ACACB: variants seen among roughly 807,000 people sequenced by gnomAD.
The protein encoded by ACACB is acetyl-CoA carboxylase 2.
ACACB carries 209 observed loss-of-function variants against 278.8 expected under a neutral mutation model. The ratio of observed to expected loss-of-function variants is 0.75; its 90% CI spans 0.67 to 0.84. The LOEUF (loss-of-function observed/expected upper bound fraction) is 0.84, where lower values mean the gene tolerates loss of function less well. ACACB is among the 40% of genes least tolerant of loss of function. The pLI, the probability that ACACB is intolerant of heterozygous loss-of-function variation, is 0.00. For missense variants in ACACB, 2,850 were observed against 3,269.0 expected, an observed-to-expected ratio of 0.87 and a Z score of 3.13; for synonymous variants, 1,174 against 1,285.6, an observed-to-expected ratio of 0.91 and a Z score of 1.86.
chr12:109,261,045 C>T (rs1003553837), intron 48 of ACACB, among the ~76,000 whole-genome samples: 1 of 152,206 alleles, frequency 6.6e-6, no homozygotes, highest in African/African-American at 2.4e-5. Flanking sequence ...TGAATGAATA[C>T]TTGCATGAGA....
chr12:109,226,242 G>A (rs2046308528), intron 27 of ACACB, among the ~76,000 whole-genome samples: 1 of 152,186 alleles, frequency 6.6e-6, no homozygotes, highest in Non-Finnish European at 1.5e-5. Context: ...CTGTACTCCA[G>A]CCTGGGTGAT....
chr12:109,194,292 T>C (rs1241442727), intron 16 of ACACB, among the ~76,000 whole-genome samples: 2 of 152,040 alleles, frequency 1.3e-5, no homozygotes, highest in African/African-American at 4.8e-5. Context: ...ATCTCCCAGG[T>C]TCAAGCAATT....
intron 13 of ACACB, among the ~76,000 whole-genome samples, chr12:109,190,818 C>T (rs1053664581): frequency 1.3e-5 from 2 of 151,588 alleles, no homozygotes; most frequent in African/African-American, 4.8e-5. Context: ...GTAGAGATGG[C>T]GTCTCATTAT....
chr12:109,112,490 G>C (rs1339748813), upstream of ACACB, among the ~76,000 whole-genome samples: 5 of 151,618 alleles, frequency 3.3e-5, no homozygotes, highest in Non-Finnish European at 7.4e-5. Flanking sequence ...ATCACCTGAG[G>C]TCGGGAGTTC....
At chr12:109,236,901 C>T (rs959036329) in intron 33 of ACACB, among the ~76,000 whole-genome samples, 2 of 151,980 alleles carry the variant, frequency 1.3e-5, no homozygotes. Context: ...TAGGGACTAG[C>T]TAGGTTCCCC....
chr12:109,178,464 T>C (rs1001007916), intron 9 of ACACB, among the ~76,000 whole-genome samples: 8 of 152,234 alleles, frequency 5.3e-5, no homozygotes, highest in Non-Finnish European at 1.5e-5. Context: ...TCTGTATGTG[T>C]TGCTATATGC....
rs2045603122 is a variant in ACACB at position 109,209,088 on chromosome 12, T to C, written c.3061-77T>C. ...CATGGGGTCAGGATGGGTTGAGCTGTGTTGGGTGCCCTGTTTGGGGCGGTG... is the reference window on the plus strand; with the variant it reads ...CATGGGGTCAGGATGGGTTGAGCTGCGTTGGGTGCCCTGTTTGGGGCGGTG... On this transcript the variant is annotated intron_variant, in intron 20 of 52. Transcript: ENST00000338432. The C allele has an allele frequency of 2.7e-6, 4 of 1,465,298 alleles. No homozygotes were observed. In the Admixed American group the frequency reaches 8.2e-5, roughly 30 times the overall value. The allele number at this position is 1,465,298 out of a possible 1,614,324, so 90.8% of individuals were successfully genotyped here.
Position 109,142,647 on chromosome 12 carries a change from A to T in ACACB, c.653+2589A>T, listed in dbSNP as rs145268954. 2.1e-3 allele frequency among the ~76,000 whole-genome samples: 319 copies of T among 152,106 alleles called. 2 individuals carry two copies. The East Asian group carries it at 0.023, about 11-fold the overall frequency. On this transcript the variant is annotated intron_variant, in intron 2 of 52. Coordinates refer to ENST00000338432, the MANE Select transcript of ACACB (RefSeq NM_001093.4). ...AGTGGCATGATCTTGGCTCACAGCA[A>T]CCTCTGCCTCCCGGGTTCAAGCAAT...
At chr12:109,164,760 C>T (rs1033178750) in intron 2 of ACACB, among the ~76,000 whole-genome samples, 1 of 150,068 alleles carries the variant, frequency 6.7e-6, no homozygotes, top group African/African-American at 2.5e-5. Context: ...CCCTGTTGCC[C>T]AGTCTGGAGT....
chr12:109,246,373 C>T lies in ACACB; in HGVS notation c.5496C>T (p.Gly1832=), dbSNP rs147193472. 4.8e-5 allele frequency: 77 copies of T among 1,613,326 alleles called. No individual in the cohort carries two copies. The highest frequency in any genetic ancestry group is 1.7e-4 in the Middle Eastern group (1 of 6,060). The change falls in exon 39 of 53, where the codon GGC becomes GGT. Residue 1832 remains glycine, a synonymous_variant. Transcript: ENST00000338432. ...IPKIYVAANS[G]ARIGMAEEIK... ...AAATTTACGTGGCAGCCAACAGTGG[C>T]GCCCGTATTGGCATGGCAGAGGAGA...
chr12:109,118,960 G>C (rs2042472497), intron 1 of ACACB, among the ~76,000 whole-genome samples: 1 of 152,224 alleles, frequency 6.6e-6, no homozygotes, highest in Non-Finnish European at 1.5e-5. Context: ...TTTATTCCAG[G>C]AATCCAGGGA....
chr12:109,265,361 T>C, intron 51 of ACACB, 28 bp from the exon 52 acceptor site: 4 of 1,612,662 alleles, frequency 2.5e-6, no homozygotes, highest in Non-Finnish European at 3.4e-6. Context: ...TGGGTCCCTC[T>C]CTGAGGCATC....
intron 19 of ACACB, among the ~76,000 whole-genome samples, chr12:109,203,131 C>G (rs2045386007): frequency 6.6e-6 from 1 of 152,150 alleles, no homozygotes; most frequent in Non-Finnish European, 1.5e-5. Flanking sequence ...TTGTGACTAG[C>G]TTATTTCATT....
At chr12:109,225,371 T>C (rs1000543542) in intron 27 of ACACB, among the ~76,000 whole-genome samples, 12 of 152,218 alleles carry the variant, frequency 7.9e-5, no homozygotes, top group African/African-American at 2.9e-4. Flanking sequence ...TTTTTTTATT[T>C]GTTTTGTTTT....
chr12:109,235,173 G>A, intron 31 of ACACB, 140 bp from the exon 32 acceptor site: 1 of 716,558 alleles, frequency 1.4e-6, no homozygotes, highest in Non-Finnish European at 2.4e-6. Flanking sequence ...AATGGAATCA[G>A]ATCACAGGAG....
intron 30 of ACACB, 45 bp downstream of exon 30, chr12:109,233,892 G>T (rs370301828): frequency 6.2e-7 from 1 of 1,612,580 alleles, no homozygotes; most frequent in East Asian, 2.2e-5. Flanking sequence ...CAGGTGGGCC[G>T]TGGCCCCCAG....
intron 1 of ACACB, chr12:109,125,574 C>T (rs968859143): frequency 2.6e-5 from 4 of 152,206 alleles, no homozygotes; most frequent in South Asian, 2.1e-4. Flanking sequence ...ATAACAGTGG[C>T]TTGAACTTGA....
rs181115181 is a variant in ACACB, at chr12:109,245,058, G to A, written c.5179-568G>A. The stretch of plus-strand genomic sequence containing the variant: ...CTACTAAAAATACAAAATTAGCCAG[G>A]TGTGGTGGTGCCTCAACCCGGGAGG... On this transcript the variant is annotated intron_variant, in intron 37 of 52. Coordinates refer to ENST00000338432, the MANE Select transcript of ACACB (RefSeq NM_001093.4). Among the ~76,000 whole-genome samples the A allele has an allele frequency of 3.9e-3, 597 of 152,178 alleles. 8 individuals are homozygous for A. The highest frequency in any genetic ancestry group is 0.013 in the African/African-American group (551 of 41,536).
intron 2 of ACACB, among the ~76,000 whole-genome samples, chr12:109,165,456 T>C (rs923423586): frequency 6.6e-6 from 1 of 152,164 alleles, no homozygotes; most frequent in Non-Finnish European, 1.5e-5. Flanking sequence ...CCCGAAGTGC[T>C]GGGATTACAG....
Sources: gnomAD v4.1 joint callset for allele counts (sites outside exome capture counted in the v4.1 genomes callset) on GRCh38, gnomAD v4.1.1 for gene constraint, MANE v1.5 for transcripts, NCBI Gene and HGNC (gene_info 2026-07-23, HGNC 2026-07-21) for gene names.